The following ANO4 variants were observed in gnomAD, a reference collection of about 807,000 sequenced individuals.
ANO4 encodes the protein anoctamin 4.
Under a neutral mutation model 141.9 loss-of-function variants are expected in ANO4, and 69 were observed. The observed-to-expected ratio is 0.49, with a 90% CI of 0.40 to 0.59. The LOEUF is 0.59. ANO4 is among the 20% of genes least tolerant of loss of function. The pLI, the probability that ANO4 is intolerant of heterozygous loss-of-function variation, is 0.00. For synonymous variants in ANO4, 350 were observed against 394.3 expected (o/e 0.89, Z 1.33); for missense variants, 894 against 1,162.2 (o/e 0.77, Z 3.36).
rs528332543 is a variant in ANO4, at chr12:100,867,399, G to A, written c.-140-34247G>A. ...AGGCGAGCCAATGGAATAAGGTCTA[G>A]CCTGAGTCTGAGTCCAAAGGCAGGA... On this transcript the variant is annotated intron_variant, in intron 1 of 27. Coordinates refer to ENST00000392977, the MANE Select transcript of ANO4 (RefSeq NM_001286615.2). 2.6e-5 allele frequency among the ~76,000 whole-genome samples: 4 copies of A among 152,264 alleles called. No individual in the cohort carries two copies. The East Asian group carries it at 7.7e-4, about 29-fold the overall frequency.
chr12:101,094,502 G>T (rs2049902787), intron 18 of ANO4, among the ~76,000 whole-genome samples: 1 of 152,012 alleles, frequency 6.6e-6, no homozygotes, highest in South Asian at 2.1e-4. Flanking sequence ...AACATTATCT[G>T]TCATGAGCTA....
At chr12:100,842,263 C>G (rs964845128) in intron 1 of ANO4, 1 of 151,864 alleles carries the variant, frequency 6.6e-6, no homozygotes, top group Non-Finnish European at 1.5e-5. Flanking sequence ...ATATTTCATT[C>G]TTTGTTATAT....
At chr12:100,800,561 A>G (rs1190941217) in intron 1 of ANO4, among the ~76,000 whole-genome samples, 3 of 152,150 alleles carry the variant, frequency 2.0e-5, no homozygotes, top group Non-Finnish European at 4.4e-5. Flanking sequence ...CCAATTTTCG[A>G]AGATATTATT....
chr12:100,864,749 A>G (rs2038665506), intron 1 of ANO4, among the ~76,000 whole-genome samples: 1 of 152,142 alleles, frequency 6.6e-6, no homozygotes, highest in Admixed American at 6.5e-5. Flanking sequence ...GGTTTGTTAC[A>G]TAGATATACA....
intron 5 of ANO4, among the ~76,000 whole-genome samples, chr12:100,970,629 T>TTCCC (rs990119875): frequency 1.3e-5 from 2 of 151,028 alleles, no homozygotes; most frequent in African/African-American, 4.9e-5. Context: ...TATCTGAGTC[T>TTCCC]TCCCTCCCTC....
At chr12:100,730,081 C>T (rs1277327404) in intron 1 of ANO4, among the ~76,000 whole-genome samples, 4 of 152,084 alleles carry the variant, frequency 2.6e-5, no homozygotes, top group Non-Finnish European at 5.9e-5. Context: ...GTGCCATTGA[C>T]CTGTCCTATG....
At chr12:100,735,255 A>C (rs1430455890) in intron 2 of ANO4, among the ~76,000 whole-genome samples, 1 of 152,198 alleles carries the variant, frequency 6.6e-6, no homozygotes, top group Non-Finnish European at 1.5e-5. Context: ...CCAGGCATTA[A>C]AATTAAGTGG....
At chr12:100,963,565 A>G (rs1297913119) in intron 5 of ANO4, among the ~76,000 whole-genome samples, 2 of 152,134 alleles carry the variant, frequency 1.3e-5, no homozygotes, top group Non-Finnish European at 2.9e-5. Flanking sequence ...GCTGAAGAGC[A>G]TTTGTAAACT....
intron 3 of ANO4, among the ~76,000 whole-genome samples, chr12:100,749,973 A>T (rs1302814518): frequency 1.3e-5 from 2 of 152,228 alleles, no homozygotes; most frequent in Non-Finnish European, 2.9e-5. Context: ...TATATTTTCA[A>T]TAAGGTTAAA....
intron 22 of ANO4, among the ~76,000 whole-genome samples, chr12:101,105,543 A>T (rs1456962203): frequency 1.3e-5 from 2 of 152,212 alleles, no homozygotes; most frequent in Admixed American, 1.3e-4. Flanking sequence ...CTTGATCTAG[A>T]GCCTCTACAT....
chr12:100,796,149 C>T (rs60331076), intron 1 of ANO4, among the ~76,000 whole-genome samples: 58,821 of 151,576 alleles, frequency 0.39, 11,988 homozygotes, highest in Middle Eastern at 0.52. Context: ...AGTCTTGGAC[C>T]GGAGGTGGGT....
intron 1 of ANO4, among the ~76,000 whole-genome samples, chr12:100,879,128 G>T (rs1315812988): frequency 1.3e-5 from 2 of 152,184 alleles, no homozygotes; most frequent in Admixed American, 1.3e-4. Flanking sequence ...CTTGATATCA[G>T]TGTGTTTGAA....
chr12:100,996,297 C>CTAGA (rs2045365423), intron 8 of ANO4, among the ~76,000 whole-genome samples: 1 of 152,130 alleles, frequency 6.6e-6, no homozygotes, highest in Non-Finnish European at 1.5e-5. Flanking sequence ...AGAAAAAAGT[C>CTAGA]TAGAGAATAA....
intron 14 of ANO4, chr12:101,069,215 G>A (rs2048713138): frequency 1.6e-6 from 2 of 1,289,726 alleles, no homozygotes; most frequent in Non-Finnish European, 2.2e-6. Context: ...GAGCTGTATT[G>A]ACTTGTTCAA....
intron 1 of ANO4, among the ~76,000 whole-genome samples, chr12:100,718,625 G>A (rs1327015424): frequency 6.6e-6 from 1 of 152,128 alleles, no homozygotes; most frequent in African/African-American, 2.4e-5. Context: ...TGATCATTTA[G>A]GTGGCTCAGA....
chr12:100,818,843 T>C (rs2035871244), intron 1 of ANO4, among the ~76,000 whole-genome samples: 1 of 151,908 alleles, frequency 6.6e-6, no homozygotes, highest in Non-Finnish European at 1.5e-5. Context: ...AGGCCAGCAC[T>C]ACTGCTAAGA....
intron 3 of ANO4, among the ~76,000 whole-genome samples, chr12:100,753,836 CT>C (rs2032492312): frequency 6.6e-6 from 1 of 152,272 alleles, no homozygotes; most frequent in East Asian, 1.9e-4. Context: ...TAATATTTAG[CT>C]CTGAATTTCT....
intron 3 of ANO4, among the ~76,000 whole-genome samples, chr12:100,750,403 C>T (rs1391717375): frequency 4.0e-5 from 6 of 151,570 alleles, no homozygotes; most frequent in African/African-American, 9.7e-5. Flanking sequence ...CTCGGCTTCT[C>T]AAAGTGCTAG....
intron 1 of ANO4, among the ~76,000 whole-genome samples, chr12:100,822,593 C>T (rs1369071173): frequency 6.6e-6 from 1 of 151,876 alleles, no homozygotes; most frequent in Non-Finnish European, 1.5e-5. Flanking sequence ...CCAAAGAAAT[C>T]CAAAACAATA....
Sources: allele counts gnomAD v4.1 joint callset (sites outside exome capture counted in the v4.1 genomes callset), GRCh38; gene constraint gnomAD v4.1.1; transcripts MANE v1.5; gene names NCBI Gene and HGNC (gene_info 2026-07-23, HGNC 2026-07-21).